Variants in CNTN4 observed in about 807,000 individuals in gnomAD.
The protein encoded by CNTN4 is contactin-4.
A neutral mutation model predicts 122.5 loss-of-function variants in CNTN4; 77 were observed. That is an observed-to-expected ratio of 0.63 (90% confidence interval 0.52 to 0.76). The LOEUF is 0.76. Ranked by LOEUF, CNTN4 falls within the 30% of genes least tolerant of loss-of-function variation. CNTN4 has a pLI of 0.00. For synonymous variants in CNTN4, 512 were observed against 447.0 expected (o/e 1.15, Z -1.83); for missense variants, 1,256 against 1,259.1 (o/e 1.00, Z 0.04).
intron 12 of CNTN4, among the ~76,000 whole-genome samples, chr3:2,922,537 G>T (rs2094438488): frequency 6.6e-6 from 1 of 150,932 alleles, no homozygotes; most frequent in African/African-American, 2.4e-5. Flanking sequence ...GGTTACAACT[G>T]ATAAATTTGC....
At chr3:2,495,481 T>C (rs948523169) in intron 3 of CNTN4, among the ~76,000 whole-genome samples, 10 of 152,204 alleles carry the variant, frequency 6.6e-5, no homozygotes, top group African/African-American at 2.4e-4. Context: ...ACTTTTAATA[T>C]GGCTCTTGTT....
chr3:2,985,834 T>G (rs1463658284), intron 13 of CNTN4, among the ~76,000 whole-genome samples: 1 of 151,964 alleles, frequency 6.6e-6, no homozygotes, highest in South Asian at 2.1e-4. Context: ...CTGATGTAAT[T>G]ACTATATTAA....
intron 3 of CNTN4, among the ~76,000 whole-genome samples, chr3:2,518,432 T>C (rs1341411931): frequency 2.0e-5 from 3 of 152,192 alleles, no homozygotes; most frequent in African/African-American, 7.2e-5. Flanking sequence ...CTTGATGTTG[T>C]ACATGACAGT....
At chr3:2,161,659 A>G (rs1050923498) in intron 2 of CNTN4, among the ~76,000 whole-genome samples, 1 of 152,198 alleles carries the variant, frequency 6.6e-6, no homozygotes, top group Non-Finnish European at 1.5e-5. Flanking sequence ...TGAGTTCTGG[A>G]AAAAGACCGA....
intron 2 of CNTN4, among the ~76,000 whole-genome samples, chr3:2,213,640 A>T (rs1406289215): frequency 6.6e-6 from 1 of 152,264 alleles, no homozygotes; most frequent in Non-Finnish European, 1.5e-5. Flanking sequence ...CCAACAGATA[A>T]AATGCACTCC....
intron 8 of CNTN4, among the ~76,000 whole-genome samples, chr3:2,880,211 CAGAG>C (rs1402920782): frequency 4.6e-5 from 7 of 152,284 alleles, no homozygotes; most frequent in South Asian, 4.1e-4. Flanking sequence ...TATTTATAGA[CAGAG>C]AGAGGCTGGG....
At chr3:2,250,092 T>A (rs2040315988) in intron 2 of CNTN4, among the ~76,000 whole-genome samples, 1 of 151,984 alleles carries the variant, frequency 6.6e-6, no homozygotes. Context: ...ATAGAGAAGA[T>A]GGCTCATTTG....
At chr3:2,661,740 A>G (rs1464696414) in intron 4 of CNTN4, among the ~76,000 whole-genome samples, 10 of 145,788 alleles carry the variant, frequency 6.9e-5, no homozygotes, top group African/African-American at 2.3e-4. Context: ...TCAACCCAGG[A>G]GGCAGAGGTT....
intron 3 of CNTN4, among the ~76,000 whole-genome samples, chr3:2,365,528 T>C (rs2045344179): frequency 6.6e-6 from 1 of 152,140 alleles, no homozygotes; most frequent in Admixed American, 6.6e-5. Context: ...GAACAAGGAA[T>C]TGGGGGAAAT....
chr3:2,193,803 C>T (rs1391636051), intron 2 of CNTN4, among the ~76,000 whole-genome samples: 2 of 152,074 alleles, frequency 1.3e-5, no homozygotes, highest in Admixed American at 6.6e-5. Flanking sequence ...TTTAGATACA[C>T]AAATAACATT....
At chr3:2,435,526 A>G (rs1465812175) in intron 3 of CNTN4, among the ~76,000 whole-genome samples, 1 of 152,162 alleles carries the variant, frequency 6.6e-6, no homozygotes, top group African/African-American at 2.4e-5. Context: ...GGCCAACTGT[A>G]TAAGCTGTAT....
chr3:2,115,174 C>T (rs2033257587), intron 2 of CNTN4, among the ~76,000 whole-genome samples: 1 of 152,130 alleles, frequency 6.6e-6, no homozygotes, highest in South Asian at 2.1e-4. Flanking sequence ...ATGATCAGAC[C>T]CTCTCCTCAT....
chr3:2,964,287 T>G (rs1338394446), intron 13 of CNTN4, among the ~76,000 whole-genome samples: 1 of 152,150 alleles, frequency 6.6e-6, no homozygotes, highest in Non-Finnish European at 1.5e-5. Flanking sequence ...CTGAGACTAG[T>G]TCTGCATAAG....
chr3:2,815,747 G>A (rs1381747140), intron 6 of CNTN4, among the ~76,000 whole-genome samples: 2 of 152,038 alleles, frequency 1.3e-5, no homozygotes, highest in African/African-American at 2.4e-5. Context: ...CTACCCAGAG[G>A]AAAAGAAGTC....
intron 3 of CNTN4, among the ~76,000 whole-genome samples, chr3:2,377,118 T>G (rs1003244720): frequency 6.8e-6 from 1 of 147,640 alleles, no homozygotes; most frequent in Non-Finnish European, 1.5e-5. Context: ...ATTGCGCCAC[T>G]GCACTGCAGC....
intron 2 of CNTN4, among the ~76,000 whole-genome samples, chr3:2,219,203 A>G (rs1412175636): frequency 2.0e-5 from 3 of 152,160 alleles, no homozygotes; most frequent in Non-Finnish European, 4.4e-5. Context: ...TTAGTGATTT[A>G]TATTTTAACC....
chr3:2,605,536 G>C (rs2081221414), intron 4 of CNTN4, among the ~76,000 whole-genome samples: 1 of 152,154 alleles, frequency 6.6e-6, no homozygotes, highest in Non-Finnish European at 1.5e-5. Context: ...ATAATCTATA[G>C]GGTGGCAGTG....
At chr3:2,819,462 T>C (rs2092814638) in intron 6 of CNTN4, 24 bp from the exon 7 acceptor site, 5 of 1,568,108 alleles carry the variant, frequency 3.2e-6, no homozygotes, top group Non-Finnish European at 4.4e-6. Context: ...GTTTAAATGC[T>C]TTTTCCCATA....
At chr3:2,695,841 G>A (rs975282025) in intron 4 of CNTN4, among the ~76,000 whole-genome samples, 1 of 152,092 alleles carries the variant, frequency 6.6e-6, no homozygotes, top group African/African-American at 2.4e-5. Context: ...GAAATTATGA[G>A]CAAATGTTTT....
Sources: gnomAD v4.1 joint callset for allele counts (sites outside exome capture counted in the v4.1 genomes callset) on GRCh38, gnomAD v4.1.1 for gene constraint, MANE v1.5 for transcripts, NCBI Gene and HGNC (gene_info 2026-07-23, HGNC 2026-07-21) for gene names.